Variants in LAMA2 observed in about 807,000 individuals in gnomAD.
LAMA2 encodes laminin subunit alpha 2, also known as laminin subunit alpha-2.
LAMA2 carries 269 observed loss-of-function variants against 364.8 expected under a neutral mutation model. The observed-to-expected ratio is 0.74, with a 90% CI of 0.67 to 0.82. The LOEUF (loss-of-function observed/expected upper bound fraction) is 0.82, where lower values mean the gene tolerates loss of function less well. LAMA2 is among the 40% of genes least tolerant of loss of function. The probability of loss-of-function intolerance (pLI) is 0.00; values close to 1 mark genes in which losing one functional copy is unlikely to be tolerated. For missense variants in LAMA2, 3,807 were observed against 3,873.2 expected (o/e 0.98, Z 0.45); for synonymous variants, 1,379 against 1,370.6 (o/e 1.01, Z -0.14).
chr6:129,119,012 A>T (rs1189657889), intron 4 of LAMA2, among the ~76,000 whole-genome samples: 1 of 152,254 alleles, frequency 6.6e-6, no homozygotes, highest in Non-Finnish European at 1.5e-5. Flanking sequence ...CAATTATATG[A>T]GAATTGTTTT....
At chr6:129,172,717 A>G (rs1029668790) in intron 9 of LAMA2, among the ~76,000 whole-genome samples, 213 of 152,304 alleles carry the variant, frequency 1.4e-3, no homozygotes, top group Non-Finnish European at 2.1e-3. Flanking sequence ...GGAGCTTCCC[A>G]GCTGCTTTGT....
chr6:129,268,060 A>G (rs1368647959), intron 16 of LAMA2, among the ~76,000 whole-genome samples: 1 of 152,066 alleles, frequency 6.6e-6, no homozygotes, highest in Non-Finnish European at 1.5e-5. Context: ...TTAATGTTCT[A>G]TCTTTCTCTT....
chr6:128,983,995 G>C (rs141683882), intron 1 of LAMA2, among the ~76,000 whole-genome samples: 1 of 151,910 alleles, frequency 6.6e-6, no homozygotes, highest in East Asian at 1.9e-4. Flanking sequence ...TTTTTCCTTC[G>C]CTAAACTGAA....
intron 1 of LAMA2, among the ~76,000 whole-genome samples, chr6:128,981,294 C>T (rs1782849090): frequency 6.6e-6 from 1 of 152,080 alleles, no homozygotes; most frequent in African/African-American, 2.4e-5. Flanking sequence ...ATATCAAGCC[C>T]TAATGAAAAG....
chr6:129,326,031 G>C (rs972710155), intron 28 of LAMA2, among the ~76,000 whole-genome samples: 1 of 152,034 alleles, frequency 6.6e-6, no homozygotes, highest in Non-Finnish European at 1.5e-5. Context: ...GTCAAGACAT[G>C]GTTTCACCAT....
At chr6:128,982,844 G>A (rs1379238298) in intron 1 of LAMA2, among the ~76,000 whole-genome samples, 2 of 144,718 alleles carry the variant, frequency 1.4e-5, no homozygotes, top group Non-Finnish European at 3.0e-5. Flanking sequence ...TCCCACCTAT[G>A]AGTGAGAACA....
chr6:129,393,018 C>T (rs376919804), intron 36 of LAMA2, 27 bp from the exon 37 acceptor site: 41 of 1,588,882 alleles, frequency 2.6e-5, no homozygotes, highest in Admixed American at 1.7e-5. Context: ...AGCTCATTGT[C>T]TATTATTGGG....
chr6:129,064,408 A>G (rs1789153527), intron 3 of LAMA2, among the ~76,000 whole-genome samples: 1 of 151,526 alleles, frequency 6.6e-6, no homozygotes, highest in Non-Finnish European at 1.5e-5. Context: ...AGAACAAACT[A>G]GGCCTAGAAG....
At chr6:129,362,768 T>C (rs186379034) in intron 32 of LAMA2, among the ~76,000 whole-genome samples, 51 of 151,958 alleles carry the variant, frequency 3.4e-4, no homozygotes, top group Non-Finnish European at 4.0e-4. Flanking sequence ...CTGGGGGTGG[T>C]GGGGAGTTTC....
chr6:129,097,877 T>C (rs781371146), intron 3 of LAMA2, among the ~76,000 whole-genome samples: 5 of 152,150 alleles, frequency 3.3e-5, no homozygotes, highest in Non-Finnish European at 5.9e-5. Context: ...ATGTTTTAGG[T>C]GGTAATAATT....
chr6:129,204,136 T>G (rs1782470636), intron 12 of LAMA2, among the ~76,000 whole-genome samples: 1 of 152,202 alleles, frequency 6.6e-6, no homozygotes, highest in Non-Finnish European at 1.5e-5. Context: ...AGTACGTAGA[T>G]TATATGCCTT....
intron 1 of LAMA2, among the ~76,000 whole-genome samples, chr6:128,904,953 T>A (rs1777335090): frequency 6.6e-6 from 1 of 152,218 alleles, no homozygotes; most frequent in Non-Finnish European, 1.5e-5. Flanking sequence ...ATGCATATGG[T>A]TTTCTTTTGC....
chr6:129,511,676 T>C (rs1359728073), intron 62 of LAMA2, among the ~76,000 whole-genome samples: 3 of 152,078 alleles, frequency 2.0e-5, no homozygotes, highest in African/African-American at 2.4e-5. Flanking sequence ...TCTTAACATA[T>C]CACTTTGTTC....
At chr6:129,031,311 C>T (rs1274662695) in intron 1 of LAMA2, among the ~76,000 whole-genome samples, 2 of 152,090 alleles carry the variant, frequency 1.3e-5, no homozygotes, top group East Asian at 1.9e-4. Flanking sequence ...ATGCAACACT[C>T]ATTCTAATTC....
chr6:129,192,239 C>T (rs540070692), intron 11 of LAMA2, among the ~76,000 whole-genome samples: 11 of 152,318 alleles, frequency 7.2e-5, no homozygotes, highest in Admixed American at 2.0e-4. Context: ...CAAATACATA[C>T]GCAATACTTT....
At chr6:128,885,210 C>T (rs932198777) in intron 1 of LAMA2, among the ~76,000 whole-genome samples, 1 of 152,096 alleles carries the variant, frequency 6.6e-6, no homozygotes, top group Non-Finnish European at 1.5e-5. Flanking sequence ...TACAATATAT[C>T]TGGAGGTTGG....
intron 1 of LAMA2, among the ~76,000 whole-genome samples, chr6:129,030,745 G>GT (rs888799599): frequency 2.6e-5 from 4 of 151,760 alleles, no homozygotes; most frequent in East Asian, 1.9e-4. Context: ...CCATGAAGAA[G>GT]TTTTTTTTCG....
intron 12 of LAMA2, among the ~76,000 whole-genome samples, chr6:129,226,625 A>G (rs1298743336): frequency 5.9e-5 from 9 of 151,970 alleles, no homozygotes; most frequent in South Asian, 4.2e-4. Context: ...TTCTGGGTTG[A>G]AAATTCTTTT....
chr6:129,004,527 C>T, intron 1 of LAMA2, among the ~76,000 whole-genome samples: 1 of 151,726 alleles, frequency 6.6e-6, no homozygotes, highest in East Asian at 1.9e-4. Flanking sequence ...ATTTAGCCAG[C>T]ATGTATTTCC....
Sources: allele counts gnomAD v4.1 joint callset (sites outside exome capture counted in the v4.1 genomes callset), GRCh38; gene constraint gnomAD v4.1.1; transcripts MANE v1.5; gene names NCBI Gene and HGNC (gene_info 2026-07-23, HGNC 2026-07-21).